The following CEMIP2 variants were observed in gnomAD, a reference collection of about 807,000 sequenced individuals.
CEMIP2 encodes cell migration inducing hyaluronidase 2, also known as cell surface hyaluronidase CEMIP2.
Under a neutral mutation model 146.9 loss-of-function variants are expected in CEMIP2, and 79 were observed. That is an observed-to-expected ratio of 0.54 (90% CI 0.45 to 0.65). The LOEUF is 0.65. Ranked by LOEUF, CEMIP2 falls within the 30% of genes least tolerant of loss-of-function variation. The pLI is 0.00. For synonymous variants in CEMIP2, 601 were observed against 606.3 expected, an observed-to-expected ratio of 0.99 and a Z score of 0.13; for missense variants, 1,596 against 1,696.2, an observed-to-expected ratio of 0.94 and a Z score of 1.04.
In CEMIP2 at chr9:71,698,153, G is replaced by A. The variant is rs1350637841; in HGVS notation, c.3429C>T (p.Tyr1143=). ...CTCTTTCACATCCCTGAGATGAACAGTAACTGTGGCCATGCCTGTGGCTTT... is the reference window on the plus strand; with the variant it reads ...CTCTTTCACATCCCTGAGATGAACAATAACTGTGGCCATGCCTGTGGCTTT... ...KAKSHRHGHS[Y]CSSQGCERVK... The change falls in exon 20 of 24, where the codon TAC becomes TAT. Residue 1143 remains tyrosine, a synonymous_variant. Coordinates refer to ENST00000377044, the MANE Select transcript of CEMIP2 (RefSeq NM_013390.3). The A allele has an allele frequency of 1.9e-6, 3 of 1,613,986 alleles. No individual in the cohort carries two copies. Among genetic ancestry groups the A allele is most frequent in the Non-Finnish European group, 2.5e-6 (3 of 1,180,018 alleles).
intron 1 of CEMIP2, among the ~76,000 whole-genome samples, chr9:71,763,738 A>C (rs1824705789): frequency 6.6e-6 from 1 of 152,270 alleles, no homozygotes; most frequent in African/African-American, 2.4e-5. Context: ...TAACAATTTC[A>C]AAGCAGATTT....
intron 5 of CEMIP2, among the ~76,000 whole-genome samples, chr9:71,737,591 C>T (rs1307125342): frequency 6.6e-6 from 1 of 151,968 alleles, no homozygotes; most frequent in African/African-American, 2.4e-5. Flanking sequence ...ACTATGTTGC[C>T]CAGACCTAAC....
At chr9:71,708,103 G>A (rs1017222919) in intron 17 of CEMIP2, among the ~76,000 whole-genome samples, 1 of 152,140 alleles carries the variant, frequency 6.6e-6, no homozygotes, top group Non-Finnish European at 1.5e-5. Flanking sequence ...GGAGAATGGC[G>A]TGAACCCAGG....
At chr9:71,759,141 C>T (rs916485870) in intron 1 of CEMIP2, among the ~76,000 whole-genome samples, 1 of 152,194 alleles carries the variant, frequency 6.6e-6, no homozygotes, top group Non-Finnish European at 1.5e-5. Context: ...GGACAAGGGA[C>T]TGAGAACCCC....
chr9:71,741,780 G>A (rs1033402218), intron 4 of CEMIP2, among the ~76,000 whole-genome samples: 10 of 150,884 alleles, frequency 6.6e-5, no homozygotes, highest in African/African-American at 1.7e-4. Context: ...CTGGGATTAC[G>A]GGTGCCCACC....
At position 71,716,063 on chromosome 9, in the gene CEMIP2, G is replaced by A. The variant is rs1038592646; in HGVS notation, c.2435+454C>T. Among the ~76,000 whole-genome samples the A allele has an allele frequency of 6.6e-5, 10 of 152,222 alleles. No homozygotes were observed. The East Asian group carries it at 1.7e-3, about 26-fold the overall frequency. On this transcript the variant is annotated intron_variant, in intron 14 of 23. Transcript: ENST00000377044. ...CTTGTCCTGAATATAAGAATTAAATGACAAGCATATTTAACATGACAACTA... is the reference window on the plus strand; with the variant it reads ...CTTGTCCTGAATATAAGAATTAAATAACAAGCATATTTAACATGACAACTA...
At chr9:71,687,495 T>TAC (rs1554679321) in intron 22 of CEMIP2, 1 of 150,654 alleles carries the variant, frequency 6.6e-6, no homozygotes, top group Non-Finnish European at 1.5e-5. Context: ...TGTGTGTGTG[T>TAC]ACACATACAA....
intron 4 of CEMIP2, among the ~76,000 whole-genome samples, chr9:71,743,245 C>T (rs1221836436): frequency 6.6e-6 from 1 of 152,180 alleles, no homozygotes; most frequent in Non-Finnish European, 1.5e-5. Context: ...AGGAGCATGG[C>T]TCCCTTCGGT....
chr9:71,719,842 CAAAAA>C (rs34555277), intron 12 of CEMIP2, among the ~76,000 whole-genome samples: 6 of 93,188 alleles, frequency 6.4e-5, no homozygotes, highest in Non-Finnish European at 1.0e-4. Context: ...TAAACGAAAG[CAAAAA>C]AAAAAAAAAA....
intron 18 of CEMIP2, among the ~76,000 whole-genome samples, chr9:71,703,984 G>A (rs1210754368): frequency 1.3e-5 from 2 of 152,100 alleles, no homozygotes; most frequent in African/African-American, 4.8e-5. Context: ...ACTCCTAGAA[G>A]GCAAGTACTT....
At chr9:71,759,835 G>GC (rs71353518) in intron 1 of CEMIP2, among the ~76,000 whole-genome samples, 9 of 149,850 alleles carry the variant, frequency 6.0e-5, no homozygotes, top group Admixed American at 4.0e-4. Flanking sequence ...AGGTGGGGGG[G>GC]GGATGGCAGG....
intron 18 of CEMIP2, among the ~76,000 whole-genome samples, chr9:71,702,903 A>G (rs1357534014): frequency 6.6e-6 from 1 of 152,192 alleles, no homozygotes; most frequent in Non-Finnish European, 1.5e-5. Context: ...TTTACAAAAC[A>G]CTGCATATCA....
At chr9:71,694,086 T>C (rs545528706) in intron 21 of CEMIP2, among the ~76,000 whole-genome samples, 10 of 150,198 alleles carry the variant, frequency 6.7e-5, no homozygotes, top group Non-Finnish European at 8.9e-5. Context: ...AGAAATAAAT[T>C]TCTGTTGTTT....
intron 12 of CEMIP2, among the ~76,000 whole-genome samples, chr9:71,720,980 A>G (rs1046536917): frequency 1.3e-5 from 2 of 152,172 alleles, no homozygotes; most frequent in South Asian, 2.1e-4. Context: ...AAATTGTTTT[A>G]TTGTCAAGTC....
At chr9:71,760,909 A>AAT (rs1824614583) in intron 1 of CEMIP2, among the ~76,000 whole-genome samples, 1 of 152,190 alleles carries the variant, frequency 6.6e-6, no homozygotes, top group Non-Finnish European at 1.5e-5. Context: ...TTTTCCTATT[A>AAT]ATATTTCTCA....
At chr9:71,691,439 T>C (rs13295881) in intron 21 of CEMIP2, among the ~76,000 whole-genome samples, 1 of 137,308 alleles carries the variant, frequency 7.3e-6, no homozygotes, top group African/African-American at 2.9e-5. Context: ...AATAAATAAA[T>C]AAAAAAGCCC....
rs1823361652 is a variant in CEMIP2 at position 71,725,649 on chromosome 9, G to A, written c.2110C>T (p.Leu704Phe). ...GGAGTGAGTTCTGGTTTTGCCAAGAGCTGCAATCCACTGGATTCCCCAGTT... is the reference window on the plus strand; with the variant it reads ...GGAGTGAGTTCTGGTTTTGCCAAGAACTGCAATCCACTGGATTCCCCAGTT... ...EPTGESSGLQ[L>F]LAKPELTPLG... The change falls in exon 11 of 24, where the codon CTC (leucine) becomes TTC (phenylalanine). Residue 704 changes from leucine to phenylalanine, a missense_variant. Leu to Phe is a conservative substitution (Grantham distance 22). Transcript: ENST00000377044. 4 of 1,613,878 alleles carry A rather than the reference G, an allele frequency of 2.5e-6. No individual in the cohort carries two copies. The South Asian group carries it at 4.4e-5, about 18-fold the overall frequency.
At chr9:71,737,366 C>A (rs62549266) in intron 5 of CEMIP2, among the ~76,000 whole-genome samples, 10,268 of 148,604 alleles carry the variant, frequency 0.069, 503 homozygotes, top group South Asian at 0.19. Flanking sequence ...GCAGGAGAAT[C>A]GCTTGAACCC....
chr9:71,756,853 A>T (rs984844047), intron 1 of CEMIP2, among the ~76,000 whole-genome samples: 5 of 152,240 alleles, frequency 3.3e-5, no homozygotes, highest in African/African-American at 1.2e-4. Flanking sequence ...TTAACTACAC[A>T]TTATGAAATG....
Sources: gnomAD v4.1 joint callset for allele counts (sites outside exome capture counted in the v4.1 genomes callset) on GRCh38, gnomAD v4.1.1 for gene constraint, MANE v1.5 for transcripts, NCBI Gene and HGNC (gene_info 2026-07-23, HGNC 2026-07-21) for gene names.